Variants in KNDC1 observed in about 807,000 individuals in gnomAD.
KNDC1 encodes the protein kinase non-catalytic C-lobe domain-containing protein 1.
KNDC1 carries 106 observed loss-of-function variants against 172.8 expected under a neutral mutation model. That is an observed-to-expected ratio of 0.61 (90% confidence interval 0.52 to 0.72). The LOEUF is 0.72. KNDC1 is among the 30% of genes least tolerant of loss of function. The probability of loss-of-function intolerance (pLI) is 0.00; values close to 1 mark genes in which losing one functional copy is unlikely to be tolerated. For missense variants in KNDC1, 2,325 were observed against 2,394.5 expected, an observed-to-expected ratio of 0.97 and a Z score of 0.61; for synonymous variants, 1,083 against 1,062.2, an observed-to-expected ratio of 1.02 and a Z score of -0.38.
chr10:133,169,976 G>C (rs7078835), intron 3 of KNDC1, among the ~76,000 whole-genome samples: 1 of 152,108 alleles, frequency 6.6e-6, no homozygotes, highest in Admixed American at 6.5e-5. Context: ...TTGTTTCCTC[G>C]GGGCCATTTT....
intron 3 of KNDC1, among the ~76,000 whole-genome samples, chr10:133,178,023 GGTAT>G (rs1227767002): frequency 1.3e-5 from 2 of 149,062 alleles, no homozygotes; most frequent in African/African-American, 2.5e-5. Context: ...GCATGCATGT[GGTAT>G]GTGTCATGGG....
Position 133,206,678 on chromosome 10 carries a change from T to A in KNDC1, c.3388-7T>A. 2 of 1,612,836 alleles carry A rather than the reference T, an allele frequency of 1.2e-6. No homozygotes were observed. Among genetic ancestry groups the A allele is most frequent in the Non-Finnish European group, 8.5e-7 (1 of 1,179,322 alleles). ...CCTGGGGCTTAGGCGCTGTGTTTCG[T>A]CCCCAGGAGCTGGAACAGCAGCTCA... On this transcript the variant is annotated splice_polypyrimidine_tract_variant and splice_region_variant and intron_variant, in intron 17 of 29. Transcript: ENST00000304613.
chr10:133,184,069 AACAC>A, intron 5 of KNDC1, 80 bp downstream of exon 5: 1 of 785,410 alleles, frequency 1.3e-6, no homozygotes, highest in Admixed American at 2.3e-5. Flanking sequence ...ACATGCTGCA[AACAC>A]ACCCATGCAC....
rs1854305958 is a variant in KNDC1, at chr10:133,199,619, G to T, written c.2903+17G>T. 1.2e-6 allele frequency: 2 copies of T among 1,611,406 alleles called. No individual in the cohort carries two copies. The highest frequency in any genetic ancestry group is 1.7e-6 in the Non-Finnish European group (2 of 1,179,258). ...CTCCCCAAGGTGGGTGCCCAGTTCG[G>T]CCCTGCATTCCCGCCCCTCCCTGAT... On this transcript the variant is annotated intron_variant, in intron 15 of 29. Transcript: ENST00000304613.
In KNDC1 at chr10:133,211,527, C is replaced by T; in HGVS notation, c.4014C>T (p.Asn1338=). The T allele has an allele frequency of 6.2e-7, 1 of 1,614,038 alleles. No homozygotes were observed. The highest frequency in any genetic ancestry group is 1.3e-5 in the African/African-American group (1 of 75,058). Residue 1338 remains asparagine (N), a synonymous_variant, in exon 22 of 30, where the codon AAC becomes AAT. Coordinates refer to ENST00000304613, the MANE Select transcript of KNDC1 (RefSeq NM_152643.8). ...GCTACGCTGTGGACTTCCCTCGGAA[C>T]AGCGGGCTGCTGGGGAAGCTAGAGG... ...EDCYAVDFPR[N]SGLLGKLEDF...
chr10:133,214,305 G>A (rs1428872283), intron 26 of KNDC1, among the ~76,000 whole-genome samples, 183 bp downstream of exon 26: 1 of 152,190 alleles, frequency 6.6e-6, no homozygotes, highest in Non-Finnish European at 1.5e-5. Flanking sequence ...CACTACATCA[G>A]GAGGAGGGGG....
At chr10:133,166,214 G>A (rs1480870805) in intron 1 of KNDC1, among the ~76,000 whole-genome samples, 4 of 152,142 alleles carry the variant, frequency 2.6e-5, no homozygotes, top group African/African-American at 2.4e-5. Flanking sequence ...ACTGGGGGAG[G>A]GGGGGCCAGC....
chr10:133,203,998 G>C (rs1001331495), intron 17 of KNDC1, among the ~76,000 whole-genome samples: 3 of 152,212 alleles, frequency 2.0e-5, no homozygotes, highest in Non-Finnish European at 2.9e-5. Flanking sequence ...ATGCGTCAGG[G>C]TACACAGACC....
intron 4 of KNDC1, 136 bp from the exon 5 acceptor site, chr10:133,183,736 A>G (rs996923056): frequency 1.2e-6 from 1 of 816,446 alleles, no homozygotes; most frequent in Non-Finnish European, 1.9e-6. Context: ...ATACTAGAAA[A>G]TGGGCAAGGC....
rs199517844 is a variant in KNDC1 at position 133,198,762 on chromosome 10, C to T, written c.2254C>T (p.Arg752Cys). Reference sequence around the variant, plus strand: ...AGAGCCTCTTGGGGCGTCAGTGCAGCGTGACTCAGCCCAGGGCCGCCCCTG... The same window carrying T: ...AGAGCCTCTTGGGGCGTCAGTGCAGTGTGACTCAGCCCAGGGCCGCCCCTG... ...APEPLGASVQ[R>C]DSAQGRPCPP... Residue 752 changes from arginine to cysteine, a missense_variant, in exon 14 of 30, where the codon CGT becomes TGT. Physicochemically the swap from Arg to Cys is radical, Grantham distance 180. Coordinates refer to ENST00000304613, the MANE Select transcript of KNDC1 (RefSeq NM_152643.8). 158 of 1,586,206 alleles carry T rather than the reference C, an allele frequency of 1.0e-4. 2 individuals are homozygous for T. In the African/African-American group the frequency reaches 1.6e-3, roughly 16 times the overall value.
chr10:133,167,084 G>A (rs890440917), intron 1 of KNDC1: 1 of 470,020 alleles, frequency 2.1e-6, no homozygotes, highest in African/African-American at 1.9e-5. Context: ...CGGAGCAGGT[G>A]ACCCAGCAGC....
At chr10:133,161,802 A>G (rs1296020829) in intron 1 of KNDC1, among the ~76,000 whole-genome samples, 2 of 152,082 alleles carry the variant, frequency 1.3e-5, no homozygotes, top group Admixed American at 6.5e-5. Context: ...ATCTGTTAGG[A>G]GGCGGCCCTG....
chr10:133,168,702 G>A (rs1853266751), intron 3 of KNDC1, among the ~76,000 whole-genome samples: 1 of 152,234 alleles, frequency 6.6e-6, no homozygotes, highest in Non-Finnish European at 1.5e-5. Flanking sequence ...GATCGGCAGG[G>A]AATCACAGCT....
chr10:133,224,793 C>T lies in KNDC1; in HGVS notation c.5153C>T (p.Ala1718Val). The change falls in exon 30 of 30, where the codon GCC becomes GTC. Residue 1718 changes from alanine (A) to valine (V), a missense_variant. Physicochemically the swap from Ala to Val is moderately conservative, Grantham distance 64 (BLOSUM62 0). Transcript: ENST00000304613. This position sits in a 1 kb window ranked among gnomAD's most constrained non-coding sequence, Gnocchi z 5.4. ...RFSGADISTL[A>V]ADSRANFHQV... Reference sequence around the variant, plus strand: ...AGCGGTGCCGACATTTCCACACTCGCCGCAGATAGCAGGGCCAACTTCCAC... The same window carrying T: ...AGCGGTGCCGACATTTCCACACTCGTCGCAGATAGCAGGGCCAACTTCCAC... 2 of 1,614,150 alleles carry T rather than the reference C, an allele frequency of 1.2e-6. No individual in the cohort carries two copies. Among genetic ancestry groups the T allele is most frequent in the Non-Finnish European group, 1.7e-6 (2 of 1,180,036 alleles).
intron 26 of KNDC1, among the ~76,000 whole-genome samples, chr10:133,217,147 T>C (rs746766694): frequency 3.3e-5 from 5 of 152,258 alleles, no homozygotes; most frequent in Non-Finnish European, 7.3e-5. Flanking sequence ...CAGAAAAGGC[T>C]ACAAAGGTAA....
rs1490644538 is a variant in KNDC1 at position 133,198,359 on chromosome 10, C to T, written c.1929C>T (p.Asp643=). The T allele has an allele frequency of 6.3e-7, 1 of 1,591,700 alleles. No homozygotes were observed. The highest frequency in any genetic ancestry group is 8.5e-7 in the Non-Finnish European group (1 of 1,170,430). ...PSPGFLPVNS[D]TGLVAVPGPV... is the part of the protein sequence containing the mutation. ...CAGGCTTCCTGCCGGTGAACAGCGA[C>T]ACCGGGCTTGTGGCTGTGCCAGGGC... Residue 643 remains aspartate (D), a synonymous_variant, in exon 13 of 30, where the codon GAC becomes GAT. Transcript: ENST00000304613.
intron 16 of KNDC1, among the ~76,000 whole-genome samples, chr10:133,201,007 G>C (rs542508810): frequency 6.6e-6 from 1 of 152,206 alleles, no homozygotes; most frequent in South Asian, 2.1e-4. Flanking sequence ...GCTTGGTGAC[G>C]GGCCCAGTTC....
rs567856232 is a variant in KNDC1 at position 133,194,573 on chromosome 10, G to C, written c.1576-1090G>C. On this transcript the variant is annotated intron_variant, in intron 9 of 29. Coordinates refer to ENST00000304613, the MANE Select transcript of KNDC1 (RefSeq NM_152643.8). ...AAAGTGTAACAAGTGCTCAAAATGG[G>C]TGATTTCCTACTTATCTGACTCTAG... Among the ~76,000 whole-genome samples, 3 of 152,312 alleles carry C rather than the reference G, an allele frequency of 2.0e-5. No homozygotes were observed. The South Asian group carries it at 6.2e-4, about 32-fold the overall frequency.
intron 9 of KNDC1, among the ~76,000 whole-genome samples, chr10:133,190,567 G>A (rs1233633620): frequency 1.3e-5 from 2 of 152,242 alleles, no homozygotes; most frequent in Non-Finnish European, 2.9e-5. Context: ...ATTGAGACTT[G>A]GAGGTAAAGA....
Sources: allele counts gnomAD v4.1 joint callset (sites outside exome capture counted in the v4.1 genomes callset), GRCh38; gene constraint gnomAD v4.1.1; non-coding constraint Gnocchi (gnomAD v3.1); transcripts MANE v1.5; gene names NCBI Gene and HGNC (gene_info 2026-07-23, HGNC 2026-07-21).